SLC35B3: variants seen among roughly 807,000 people sequenced by gnomAD.
SLC35B3 encodes solute carrier family 35 member B3, also known as adenosine 3'-phospho 5'-phosphosulfate transporter 2.
In SLC35B3, 35 loss-of-function variants were observed where a neutral mutation model predicts 44.1. That is an observed-to-expected ratio of 0.79 (90% CI 0.61 to 1.05). The LOEUF (loss-of-function observed/expected upper bound fraction) is 1.05, where lower values mean the gene tolerates loss of function less well. Among genes scored for constraint, SLC35B3 ranks in the 50% least tolerant of loss-of-function variants. SLC35B3 has a pLI of 0.00. For missense variants in SLC35B3, 414 were observed against 476.4 expected (o/e 0.87, Z 1.22); for synonymous variants, 146 against 167.3 (o/e 0.87, Z 0.98).
rs186759554 is a variant in SLC35B3, at chr6:8,435,222, C to A, written c.-44+121G>T. ...AAAGGGAATCACCCGTTTCTTCCAT[C>A]CCGACCTCATCCATTCCTCGAACGC... On this transcript the variant is annotated intron_variant, in intron 1 of 10. Transcript: ENST00000644923. The surrounding 1 kb of genome is among the most constrained non-coding windows in gnomAD (Gnocchi z 5.5). 448 of 1,289,262 alleles carry A rather than the reference C, an allele frequency of 3.5e-4. 1 individual carries two copies. The highest frequency in any genetic ancestry group is 4.8e-4 in the Admixed American group (21 of 43,576). 79.9% of individuals were successfully genotyped at this position (1,289,262 alleles called of 1,614,324 possible). A position where few individuals can be genotyped will look rare whatever the true frequency, so the allele number is the denominator to read the frequency against.
Position 8,435,328 on chromosome 6 carries a change from C to A in SLC35B3, c.-44+15G>T, listed in dbSNP as rs1458010162. The A allele has an allele frequency of 7.8e-7, 1 of 1,289,294 alleles. No homozygotes were observed. The highest frequency in any genetic ancestry group is 1.0e-6 in the Non-Finnish European group (1 of 988,864). 79.9% of individuals were successfully genotyped at this position (1,289,294 alleles called of 1,614,324 possible). The stretch of plus-strand genomic sequence containing the variant: ...TGGGTCCCAAACACAGGAAAGGCCC[C>A]GAAGGCACGCGTACCCCAAGGCCGG... On this transcript the variant is annotated intron_variant, in intron 1 of 10. Transcript: ENST00000644923. The surrounding 1 kb of genome is among the most constrained non-coding windows in gnomAD (Gnocchi z 5.5).
chr6:8,413,540 A>C lies in SLC35B3; in HGVS notation c.*9T>G. On this transcript the variant is annotated 3_prime_UTR_variant, in exon 11 of 11. Transcript: ENST00000644923. ...CTTAAAATTCTATTTTAAATAGGAC[A>C]ATCACTGTCTATACAGTCTGTGCCA... is the stretch of plus-strand genomic sequence containing the variant. 1.3e-6 allele frequency: 2 copies of C among 1,592,750 alleles called. No homozygotes were observed. Among genetic ancestry groups the C allele is most frequent in the Non-Finnish European group, 1.7e-6 (2 of 1,173,250 alleles).
rs371370316 is a variant in SLC35B3, at chr6:8,413,681, C to G, written c.1074G>C (p.Leu358Phe). Residue 358 changes from leucine to phenylalanine, a missense_variant, in exon 11 of 11, where the codon TTG (leucine) becomes TTC (phenylalanine). Transcript: ENST00000644923. ...TAAGAAATATACCAAGGACAACTAA[C>G]AAACCAGACCATACATACCTAAGAG... 3.2e-6 allele frequency: 5 copies of G among 1,557,350 alleles called. No homozygotes were observed. The African/African-American group carries it at 6.9e-5, about 21-fold the overall frequency.
intron 10 of SLC35B3, 102 bp from the exon 10 acceptor site, chr6:8,413,801 G>C (rs1489992006): frequency 1.5e-6 from 1 of 679,046 alleles, no homozygotes; most frequent in Non-Finnish European, 2.3e-6. Context: ...CTTCAGTGAA[G>C]TAAAATTCTA....
In SLC35B3 at chr6:8,435,057, A is replaced by AC; in HGVS notation, c.-44+285dup. 8.3e-7 allele frequency: 1 copy of AC among 1,198,320 alleles called. No individual in the cohort carries two copies. Among genetic ancestry groups the AC allele is most frequent in the East Asian group, 5.7e-5 (1 of 17,400 alleles). 74.2% of individuals were successfully genotyped at this position (1,198,320 alleles called of 1,614,324 possible). A position where few individuals can be genotyped will look rare whatever the true frequency, so the allele number is the denominator to read the frequency against. ...AGAGACCCCGAGAACAGCGTAAAAG[A>AC]CCCCTTGAGGTCACCTCACCCCTGC... On this transcript the variant is annotated intron_variant, in intron 1 of 10. Coordinates refer to ENST00000644923, the MANE Select transcript of SLC35B3 (RefSeq NM_001370476.2). This position sits in a 1 kb window ranked among gnomAD's most constrained non-coding sequence, Gnocchi z 5.5.
At position 8,422,633 on chromosome 6, in the gene SLC35B3, G is replaced by C. The variant is rs1763008517; in HGVS notation, c.420-9C>G. ...AGGTTTTTCCTGGTATTCTGTAAAA[G>C]ACAATTTTTAAAACCTTCATTTTGG... On this transcript the variant is annotated splice_polypyrimidine_tract_variant and intron_variant, in intron 4 of 10. Coordinates refer to ENST00000644923, the MANE Select transcript of SLC35B3 (RefSeq NM_001370476.2). 4.4e-6 allele frequency: 7 copies of C among 1,598,930 alleles called. No individual in the cohort carries two copies. In the South Asian group the frequency reaches 6.8e-5, roughly 16 times the overall value.
rs931316424 is a variant in SLC35B3 at position 8,435,021 on chromosome 6, G to C, written c.-44+322C>G. The C allele has an allele frequency of 6.4e-6, 7 of 1,085,802 alleles. No homozygotes were observed. Among genetic ancestry groups the C allele is most frequent in the Non-Finnish European group, 8.3e-6 (7 of 847,264 alleles). The allele number at this position is 1,085,802 out of a possible 1,614,324, so 67.3% of individuals were successfully genotyped here. On this transcript the variant is annotated intron_variant, in intron 1 of 10. Coordinates refer to ENST00000644923, the MANE Select transcript of SLC35B3 (RefSeq NM_001370476.2). The surrounding 1 kb of genome is among the most constrained non-coding windows in gnomAD (Gnocchi z 5.5). ...ACAGTCTAGAGGTATCCAGGTGACT[G>C]ACAGTTCTCCAGAGACCCCGAGAAC...
rs888083766 is a variant in SLC35B3, at chr6:8,412,653, T to G, written c.*896A>C. 1.8e-4 allele frequency among the ~76,000 whole-genome samples: 28 copies of G among 152,328 alleles called. No individual in the cohort carries two copies. Among genetic ancestry groups the G allele is most frequent in the Non-Finnish European group, 3.4e-4 (23 of 68,016 alleles). ...ACCCTTTTGGCAGTAGGGACTAGTT[T>G]CGTGGAAGACAATTTTTCCATGGAC... On this transcript the variant is annotated 3_prime_UTR_variant, in exon 11 of 11. Coordinates refer to ENST00000644923, the MANE Select transcript of SLC35B3 (RefSeq NM_001370476.2).
chr6:8,429,785 TG>T lies in SLC35B3; in HGVS notation c.297+78del, dbSNP rs1763784473. On this transcript the variant is annotated intron_variant, in intron 3 of 10. Transcript: ENST00000644923. ...GCCAGTATCCCCTAAGTGACTATCTTGGGCAAAACTAGTAAATGCCCATACT... is the reference window on the plus strand; with the variant it reads ...GCCAGTATCCCCTAAGTGACTATCTTGGCAAAACTAGTAAATGCCCATACT... 16 of 1,076,252 alleles carry T rather than the reference TG, an allele frequency of 1.5e-5. No individual in the cohort carries two copies. In the East Asian group the frequency reaches 3.9e-4, roughly 26 times the overall value. 66.7% of individuals were successfully genotyped at this position (1,076,252 alleles called of 1,614,324 possible). A position where few individuals can be genotyped will look rare whatever the true frequency, so the allele number is the denominator to read the frequency against.
At chr6:8,421,308 CATT>C (rs1398077502) in intron 5 of SLC35B3, among the ~76,000 whole-genome samples, 1 of 152,012 alleles carries the variant, frequency 6.6e-6, no homozygotes, top group African/African-American at 2.4e-5. Flanking sequence ...TTTCATATAT[CATT>C]ATTTTAAAAA....
chr6:8,426,341 G>A (rs1368454562), intron 4 of SLC35B3, among the ~76,000 whole-genome samples: 1 of 152,070 alleles, frequency 6.6e-6, no homozygotes, highest in East Asian at 1.9e-4. Flanking sequence ...GAACATTTTT[G>A]ATATGGTTTG....
In SLC35B3 at chr6:8,432,289, GT is replaced by G. The variant is rs1764067833; in HGVS notation, c.3+2095del. 6.6e-6 allele frequency among the ~76,000 whole-genome samples: 1 copy of G among 151,720 alleles called. No individual in the cohort carries two copies. On this transcript the variant is annotated intron_variant, in intron 2 of 10. Coordinates refer to ENST00000644923, the MANE Select transcript of SLC35B3 (RefSeq NM_001370476.2). The surrounding 1 kb of genome is among the most constrained non-coding windows in gnomAD (Gnocchi z 4.8). The stretch of plus-strand genomic sequence containing the variant: ...AAACTGAAAATCTTATAGAAAAAGA[GT>G]GGGGAAAATTTACAAATAATGCTTA...
chr6:8,416,660 T>A (rs544525225), intron 9 of SLC35B3, among the ~76,000 whole-genome samples: 1 of 152,176 alleles, frequency 6.6e-6, no homozygotes, highest in Admixed American at 6.6e-5. Context: ...TTCTGATAAA[T>A]GTATATGTTT....
chr6:8,414,063 T>C (rs1762196552), intron 10 of SLC35B3, among the ~76,000 whole-genome samples: 1 of 152,098 alleles, frequency 6.6e-6, no homozygotes, highest in Non-Finnish European at 1.5e-5. Flanking sequence ...GTAATTAAAC[T>C]CAGCTGTCCA....
intron 2 of SLC35B3, among the ~76,000 whole-genome samples, chr6:8,430,717 CAAATA>C (rs201666807): frequency 3.3e-5 from 5 of 151,004 alleles, no homozygotes; most frequent in Non-Finnish European, 5.9e-5. Flanking sequence ...CTCTCTCTAC[CAAATA>C]AAATAAAATA....
chr6:8,422,411 T>C (rs1762978695), intron 5 of SLC35B3, 59 bp downstream of exon 4: 1 of 1,252,938 alleles, frequency 8.0e-7, no homozygotes, highest in Non-Finnish European at 1.1e-6. Flanking sequence ...TTCCTAATGC[T>C]AGATGCCATA....
intron 8 of SLC35B3, 31 bp downstream of exon 7, chr6:8,417,371 A>G (rs1303164011): frequency 6.0e-6 from 7 of 1,161,968 alleles, no homozygotes; most frequent in Non-Finnish European, 7.3e-6. Flanking sequence ...TTAACAGAAG[A>G]TTTTTTTTTT....
chr6:8,428,418 C>G (rs190578530), intron 3 of SLC35B3, among the ~76,000 whole-genome samples: 1 of 152,042 alleles, frequency 6.6e-6, no homozygotes, highest in African/African-American at 2.4e-5. Context: ...ATCAATAAAT[C>G]AAATTGAATA....
chr6:8,427,900 A>C (rs1463149106), intron 4 of SLC35B3, 37 bp downstream of exon 3: 2 of 1,480,896 alleles, frequency 1.4e-6, no homozygotes, highest in East Asian at 4.7e-5. Flanking sequence ...AATTCAACTA[A>C]TATAGAAATA....
Sources: gnomAD v4.1 joint callset for allele counts (sites outside exome capture counted in the v4.1 genomes callset) on GRCh38, gnomAD v4.1.1 for gene constraint, Gnocchi (gnomAD v3.1) non-coding constraint, MANE v1.5 for transcripts, NCBI Gene and HGNC (gene_info 2026-07-23, HGNC 2026-07-21) for gene names.